CCSER1: variants seen among roughly 807,000 people sequenced by gnomAD.
The protein encoded by CCSER1 is coiled-coil serine rich protein 1, also known as serine-rich coiled-coil domain-containing protein 1.
A neutral mutation model predicts 82.0 loss-of-function variants in CCSER1; 41 were observed. The observed-to-expected ratio is 0.50, with a 90% confidence interval of 0.39 to 0.65. The LOEUF is 0.65. CCSER1 is among the 30% of genes least tolerant of loss of function. CCSER1 has a pLI of 0.00. For missense variants in CCSER1, 1,119 were observed against 1,064.2 expected (o/e 1.05, Z -0.72); for synonymous variants, 414 against 383.9 (o/e 1.08, Z -0.92).
chr4:90,974,408 T>G (rs1459878992), intron 9 of CCSER1, among the ~76,000 whole-genome samples: 1 of 151,108 alleles, frequency 6.6e-6, no homozygotes, highest in Non-Finnish European at 1.5e-5. Context: ...TATGCAATTT[T>G]TATTTTTTCA....
intron 10 of CCSER1, among the ~76,000 whole-genome samples, chr4:91,587,619 A>G (rs773336626): frequency 6.6e-6 from 1 of 151,778 alleles, no homozygotes; most frequent in Non-Finnish European, 1.5e-5. Flanking sequence ...CTGCATATCC[A>G]TCGTTCATGA....
intron 10 of CCSER1, among the ~76,000 whole-genome samples, chr4:91,245,836 A>G (rs1739732773): frequency 6.6e-6 from 1 of 152,140 alleles, no homozygotes; most frequent in African/African-American, 2.4e-5. Flanking sequence ...AGCTGGGATT[A>G]CAGGCATGTG....
intron 8 of CCSER1, among the ~76,000 whole-genome samples, chr4:90,871,127 CTT>C (rs140525244): frequency 0.17 from 26,213 of 150,030 alleles, 2,593 homozygotes; most frequent in Non-Finnish European, 0.23. Context: ...AAAAAATTAA[CTT>C]TTCATTTTGT....
chr4:91,092,669 C>A (rs1724087397), intron 10 of CCSER1, among the ~76,000 whole-genome samples: 2 of 152,214 alleles, frequency 1.3e-5, no homozygotes, highest in South Asian at 2.1e-4. Context: ...CAGCTCCTAG[C>A]AGCTGTGGCA....
At chr4:90,462,567 A>AAAC (rs1763084154) in intron 4 of CCSER1, among the ~76,000 whole-genome samples, 1 of 152,048 alleles carries the variant, frequency 6.6e-6, no homozygotes, top group African/African-American at 2.4e-5. Context: ...GTTGACATAT[A>AAAC]AAACAAACAA....
chr4:91,214,828 A>C (rs995296487), intron 10 of CCSER1, among the ~76,000 whole-genome samples: 1 of 152,186 alleles, frequency 6.6e-6, no homozygotes, highest in African/African-American at 2.4e-5. Flanking sequence ...TGTTAATTAA[A>C]TTTCAGATGT....
Position 90,531,396 on chromosome 4 carries a change from CTT to C in CCSER1, c.1724+63058_1724+63059del, listed in dbSNP as rs77768534. 2.2e-3 allele frequency among the ~76,000 whole-genome samples: 287 copies of C among 130,176 alleles called. 2 individuals are homozygous for C. The highest frequency in any genetic ancestry group is 9.0e-3 in the East Asian group (41 of 4,574). 85.4% of individuals were successfully genotyped at this position (130,176 alleles called of 152,430 possible). A position where few individuals can be genotyped will look rare whatever the true frequency, so the allele number is the denominator to read the frequency against. On this transcript the variant is annotated intron_variant, in intron 5 of 10. Coordinates refer to ENST00000509176, the MANE Select transcript of CCSER1 (RefSeq NM_001145065.2). The stretch of plus-strand genomic sequence containing the variant: ...AGTGAGATTCATACACTGCAGGTTT[CTT>C]TTTTTTTTTTTTTTTAACTTTTCTG...
intron 7 of CCSER1, among the ~76,000 whole-genome samples, chr4:90,808,733 A>G (rs1757845040): frequency 6.6e-6 from 1 of 152,184 alleles, no homozygotes; most frequent in Non-Finnish European, 1.5e-5. Context: ...ATCAAAAGAC[A>G]ATAGATGTTA....
intron 10 of CCSER1, among the ~76,000 whole-genome samples, chr4:91,286,109 T>C (rs1015514436): frequency 2.0e-5 from 3 of 151,826 alleles, no homozygotes; most frequent in African/African-American, 7.2e-5. Flanking sequence ...TTCAAAAATA[T>C]AATCAGTCAA....
intron 10 of CCSER1, among the ~76,000 whole-genome samples, chr4:91,302,879 A>G (rs986947653): frequency 1.3e-5 from 2 of 151,658 alleles, no homozygotes; most frequent in South Asian, 4.1e-4. Flanking sequence ...GCATTTATCA[A>G]TATCTGAAAT....
chr4:90,804,659 T>C (rs536026119), intron 7 of CCSER1, among the ~76,000 whole-genome samples: 1 of 152,322 alleles, frequency 6.6e-6, no homozygotes, highest in South Asian at 2.1e-4. Context: ...TTATGGATTT[T>C]ACTTGCTTTT....
intron 1 of CCSER1, among the ~76,000 whole-genome samples, chr4:90,172,406 T>G (rs912660734): frequency 3.3e-5 from 5 of 151,886 alleles, no homozygotes; most frequent in Non-Finnish European, 7.4e-5. Context: ...TTTTGTCAGT[T>G]TACCGTAGAA....
chr4:90,446,072 G>T (rs1247489115), intron 4 of CCSER1, among the ~76,000 whole-genome samples: 1 of 152,040 alleles, frequency 6.6e-6, no homozygotes, highest in African/African-American at 2.4e-5. Context: ...ACATGAAGTG[G>T]GATAGAAAAG....
rs887521147 is a variant in CCSER1 at position 90,364,402 on chromosome 4, G to T, written c.1510-35634G>T. Among the ~76,000 whole-genome samples the T allele has an allele frequency of 3.9e-5, 6 of 151,924 alleles. No individual in the cohort carries two copies. In the East Asian group the frequency reaches 7.7e-4, roughly 20 times the overall value. On this transcript the variant is annotated intron_variant, in intron 3 of 10. Coordinates refer to ENST00000509176, the MANE Select transcript of CCSER1 (RefSeq NM_001145065.2). ...ATGAATTGCCAAATGAAAATGAAAGGTTCGGAATCACTAAAATTGATGGTG... is the reference window on the plus strand; with the variant it reads ...ATGAATTGCCAAATGAAAATGAAAGTTTCGGAATCACTAAAATTGATGGTG...
chr4:91,483,084 A>G (rs1758032568), intron 10 of CCSER1, among the ~76,000 whole-genome samples: 1 of 151,266 alleles, frequency 6.6e-6, no homozygotes. Context: ...CCTAGAACTT[A>G]AAGTATAATA....
At chr4:90,906,206 C>T (rs574300123) in intron 8 of CCSER1, among the ~76,000 whole-genome samples, 7 of 152,120 alleles carry the variant, frequency 4.6e-5, no homozygotes, top group African/African-American at 7.2e-5. Context: ...AATACATATA[C>T]GGATTTGACT....
intron 8 of CCSER1, among the ~76,000 whole-genome samples, chr4:90,859,605 A>G (rs896057248): frequency 1.3e-5 from 2 of 151,810 alleles, no homozygotes. Context: ...TCTCTCTGAT[A>G]TTATGATTAA....
At chr4:91,332,249 C>T (rs960019668) in intron 10 of CCSER1, among the ~76,000 whole-genome samples, 1 of 151,766 alleles carries the variant, frequency 6.6e-6, no homozygotes, top group East Asian at 1.9e-4. Flanking sequence ...ATCATGTTTT[C>T]TTTGGTAATC....
chr4:90,946,684 A>C (rs773730725), intron 9 of CCSER1, among the ~76,000 whole-genome samples: 5 of 152,078 alleles, frequency 3.3e-5, no homozygotes, highest in Non-Finnish European at 5.9e-5. Flanking sequence ...GGTAACATGA[A>C]ATTCTTAAGG....
Sources: allele counts gnomAD v4.1 joint callset (sites outside exome capture counted in the v4.1 genomes callset), GRCh38; gene constraint gnomAD v4.1.1; transcripts MANE v1.5; gene names NCBI Gene and HGNC (gene_info 2026-07-23, HGNC 2026-07-21).